Variants in BPIFA1 observed in about 807,000 individuals in gnomAD.
BPIFA1 encodes BPI fold containing family A member 1, also known as BPI fold-containing family A member 1.
A neutral mutation model predicts 25.1 loss-of-function variants in BPIFA1; 24 were observed. The observed-to-expected ratio is 0.96, with a 90% CI of 0.69 to 1.35. BPIFA1 has a LOEUF of 1.35. Ranked by LOEUF, BPIFA1 falls within the 40% of genes most tolerant of loss-of-function variation. The pLI, the probability that BPIFA1 is intolerant of heterozygous loss-of-function variation, is 0.00. For synonymous variants in BPIFA1, 139 were observed against 131.8 expected (o/e 1.05, Z -0.37); for missense variants, 344 against 303.7 (o/e 1.13, Z -0.99).
At position 33,240,317 on chromosome 20, in the gene BPIFA1, G is replaced by A. The variant is rs549012264; in HGVS notation, c.513G>A (p.Glu171=). 71 of 1,614,162 alleles carry A rather than the reference G, an allele frequency of 4.4e-5. 1 individual carries two copies. In the South Asian group the frequency reaches 7.0e-4, roughly 16 times the overall value. The change falls in exon 5 of 9, where the codon GAG becomes GAA. Residue 171 remains glutamate, a synonymous_variant. Transcript: ENST00000354297. ...AEILAVRDKQ[E]RIHLVLGDCT... ...TCTTAGCTGTGAGAGATAAGCAGGA[G>A]AGGATCCACCTGGTCCTTGGTGACT...
At chr20:33,238,694 C>A (rs1431890327) in intron 3 of BPIFA1, among the ~76,000 whole-genome samples, 1 of 152,192 alleles carries the variant, frequency 6.6e-6, no homozygotes, top group African/African-American at 2.4e-5. Context: ...AACCTGCCCA[C>A]CTTGATGATA....
intron 5 of BPIFA1, 69 bp from the exon 6 acceptor site, chr20:33,241,316 T>C (rs187978279): frequency 2.9e-5 from 41 of 1,417,916 alleles, no homozygotes; most frequent in Middle Eastern, 1.8e-4. Flanking sequence ...GGGTTCACAG[T>C]GGCCCCCTCT....
rs766661598 is a variant in BPIFA1, at chr20:33,239,871, A to C, written c.389A>C (p.Tyr130Ser). Residue 130 changes from tyrosine to serine, a missense_variant, in exon 4 of 9, where the codon TAT (tyrosine) becomes TCT (serine). Transcript: ENST00000354297. ...LVQSPDGHRLYVTIPLGIKLQ... is the reference protein window; with the variant it reads ...LVQSPDGHRLSVTIPLGIKLQ... ...CAGAGCCCTGATGGCCACCGTCTCTATGTCACCATCCCTCTCGGCATAAAG... is the reference window on the plus strand; with the variant it reads ...CAGAGCCCTGATGGCCACCGTCTCTCTGTCACCATCCCTCTCGGCATAAAG... 1.2e-6 allele frequency: 2 copies of C among 1,614,172 alleles called. No homozygotes were observed. Among genetic ancestry groups the C allele is most frequent in the South Asian group, 1.1e-5 (1 of 91,082 alleles).
chr20:33,238,135 G>A lies in BPIFA1; in HGVS notation c.241G>A (p.Gly81Arg), dbSNP rs1480784048. ...GCTCCTGGACATCCTGAAGCCTGGA[G>A]GAGGTACTTCTGGTGGCCTCCTTGG... is the stretch of plus-strand genomic sequence containing the variant. ...LPLLDILKPG[G>R]GTSGGLLGGL... is the part of the protein sequence containing the mutation. Residue 81 changes from glycine to arginine, a missense_variant, in exon 3 of 9, where the codon GGA (glycine) becomes AGA (arginine). Gly to Arg is a moderately radical substitution (Grantham distance 125, BLOSUM62 -2). Coordinates refer to ENST00000354297, the MANE Select transcript of BPIFA1 (RefSeq NM_130852.3). 4.3e-6 allele frequency: 7 copies of A among 1,613,940 alleles called. No homozygotes were observed. Among genetic ancestry groups the A allele is most frequent in the African/African-American group, 1.3e-5 (1 of 74,900 alleles).
chr20:33,236,840 T>C (rs2146496702), intron 1 of BPIFA1, among the ~76,000 whole-genome samples: 1 of 152,298 alleles, frequency 6.6e-6, no homozygotes, highest in East Asian at 1.9e-4. Context: ...ACTACCCCTC[T>C]TTGGTCTCCT....
intron 4 of BPIFA1, 144 bp downstream of exon 4, chr20:33,240,054 G>T: frequency 7.4e-7 from 1 of 1,348,046 alleles, no homozygotes; most frequent in Non-Finnish European, 1.0e-6. Context: ...AGTGGCCTTG[G>T]GTCACTTGGG....
chr20:33,240,045 G>A, intron 4 of BPIFA1, 135 bp downstream of exon 4: 1 of 1,314,252 alleles, frequency 7.6e-7, no homozygotes, highest in Non-Finnish European at 1.1e-6. Context: ...GCTATGCTAA[G>A]TGGCCTTGGG....
Position 33,240,242 on chromosome 20 carries a change from C to A in BPIFA1, c.438C>A (p.Val146=). Residue 146 remains valine, a synonymous_variant, in exon 5 of 9, where the codon GTC becomes GTA. Coordinates refer to ENST00000354297, the MANE Select transcript of BPIFA1 (RefSeq NM_130852.3). The part of the protein sequence containing the change: ...GIKLQVNTPL[V]GASLLRLAVK... ...GCTGTCTCCTTTGCAGGCCCCTGGT[C>A]GGTGCAAGTCTGTTGAGGCTGGCTG... is the stretch of plus-strand genomic sequence containing the variant. 1 of 1,613,850 alleles carries A rather than the reference C, an allele frequency of 6.2e-7. No homozygotes were observed. Among genetic ancestry groups the A allele is most frequent in the South Asian group, 1.1e-5 (1 of 91,020 alleles).
intron 3 of BPIFA1, among the ~76,000 whole-genome samples, chr20:33,239,560 CAT>C: frequency 6.6e-6 from 1 of 152,320 alleles, no homozygotes; most frequent in Non-Finnish European, 1.5e-5. Context: ...CTGAATACCT[CAT>C]AGACTGGAGA....
At position 33,242,065 on chromosome 20, in the gene BPIFA1, C is replaced by G; in HGVS notation, c.676C>G (p.Leu226Val). Reference sequence around the variant, plus strand: ...CTCTGCCCCTGGCCAGGTGTGCCCTCTGGTCAATGAGGTTCTCAGAGGCTT... The same window carrying G: ...CTCTGCCCCTGGCCAGGTGTGCCCTGTGGTCAATGAGGTTCTCAGAGGCTT... ...PELVQGNVCP[L>V]VNEVLRGLDI... is the part of the protein sequence containing the mutation. Residue 226 changes from leucine to valine, a missense_variant, in exon 7 of 9, where the codon CTG (leucine) becomes GTG (valine). By Grantham distance (32) the Leu-to-Val change is conservative. Transcript: ENST00000354297. The G allele has an allele frequency of 6.2e-7, 1 of 1,614,184 alleles. No homozygotes were observed. The highest frequency in any genetic ancestry group is 8.5e-7 in the Non-Finnish European group (1 of 1,179,998).
chr20:33,242,063 C>A lies in BPIFA1; in HGVS notation c.674C>A (p.Pro225His). The part of the protein sequence containing the change: ...LPELVQGNVC[P>H]LVNEVLRGLD... ...CTCTCTGCCCCTGGCCAGGTGTGCC[C>A]TCTGGTCAATGAGGTTCTCAGAGGC... Residue 225 changes from proline to histidine, a missense_variant, in exon 7 of 9, where the codon CCT becomes CAT. Coordinates refer to ENST00000354297, the MANE Select transcript of BPIFA1 (RefSeq NM_130852.3). The A allele has an allele frequency of 6.2e-7, 1 of 1,614,164 alleles. No individual in the cohort carries two copies. Among genetic ancestry groups the A allele is most frequent in the Non-Finnish European group, 8.5e-7 (1 of 1,179,992 alleles).
rs996967534 is a variant in BPIFA1, at chr20:33,240,016, C to T, written c.428+106C>T. Reference sequence around the variant, plus strand: ...TTGGAGTCTAACAGACCTGAGCCTCCAACTTCAGCTCATTTGCTGCTATGC... The same window carrying T: ...TTGGAGTCTAACAGACCTGAGCCTCTAACTTCAGCTCATTTGCTGCTATGC... On this transcript the variant is annotated intron_variant, in intron 4 of 8. Transcript: ENST00000354297. 1.1e-5 allele frequency: 15 copies of T among 1,367,410 alleles called. No individual in the cohort carries two copies. The African/African-American group carries it at 1.7e-4, about 16-fold the overall frequency. 84.7% of individuals were successfully genotyped at this position (1,367,410 alleles called of 1,614,324 possible). A position where few individuals can be genotyped will look rare whatever the true frequency, so the allele number is the denominator to read the frequency against.
intron 1 of BPIFA1, 119 bp from the exon 2 acceptor site, chr20:33,237,578 C>T (rs1978737047): frequency 1.4e-6 from 1 of 737,456 alleles, no homozygotes; most frequent in Non-Finnish European, 2.0e-6. Context: ...TTAGCTATTA[C>T]TAGTGACCCC....
At chr20:33,242,651 C>A in intron 8 of BPIFA1, 90 bp downstream of exon 8, 1 of 945,398 alleles carries the variant, frequency 1.1e-6, no homozygotes, top group Non-Finnish European at 1.7e-6. Context: ...CAATGACATC[C>A]AAAGAAAGAG....
rs1465687203 is a variant in BPIFA1 at position 33,242,581 on chromosome 20, C to A, written c.*34+20C>A. 8 of 1,568,754 alleles carry A rather than the reference C, an allele frequency of 5.1e-6. No individual in the cohort carries two copies. In the East Asian group the frequency reaches 1.6e-4, roughly 31 times the overall value. On this transcript the variant is annotated intron_variant, in intron 8 of 8. Coordinates refer to ENST00000354297, the MANE Select transcript of BPIFA1 (RefSeq NM_130852.3). ...GAGCTGGTAAGTGCCCTTCCCCACA[C>A]CCCAGGGTTTTGGGGGCTGGCTGTT...
chr20:33,236,361 C>T (rs896174850), intron 1 of BPIFA1, among the ~76,000 whole-genome samples: 3 of 152,160 alleles, frequency 2.0e-5, no homozygotes, highest in East Asian at 3.8e-4. Flanking sequence ...CAATTTTATA[C>T]ATTTTGATGC....
intron 4 of BPIFA1, 111 bp downstream of exon 4, chr20:33,240,021 T>G: frequency 7.4e-7 from 1 of 1,353,358 alleles, no homozygotes; most frequent in Non-Finnish European, 1.0e-6. Context: ...GCCTCCAACT[T>G]CAGCTCATTT....
intron 1 of BPIFA1, among the ~76,000 whole-genome samples, 198 bp downstream of exon 1, chr20:33,236,248 G>A (rs575764093): frequency 6.6e-6 from 1 of 152,238 alleles, no homozygotes; most frequent in East Asian, 1.9e-4. Context: ...TATAGAAATG[G>A]GCACTATTAA....
intron 4 of BPIFA1, among the ~76,000 whole-genome samples, 157 bp from the exon 5 acceptor site, chr20:33,240,076 A>T (rs1978885973): frequency 1.3e-5 from 2 of 152,046 alleles, no homozygotes; most frequent in African/African-American, 4.8e-5. Flanking sequence ...AACTCACTTG[A>T]CCTCTTAAGT....
Sources: allele counts gnomAD v4.1 joint callset (sites outside exome capture counted in the v4.1 genomes callset), GRCh38; gene constraint gnomAD v4.1.1; transcripts MANE v1.5; gene names NCBI Gene and HGNC (gene_info 2026-07-23, HGNC 2026-07-21).